The following ROBO2 variants were observed in gnomAD, a reference collection of about 807,000 sequenced individuals.
ROBO2 encodes the protein roundabout guidance receptor 2, also known as roundabout homolog 2.
ROBO2 carries 53 observed loss-of-function variants against 160.8 expected under a neutral mutation model. That is an observed-to-expected ratio of 0.33 (90% CI 0.26 to 0.41). The LOEUF is 0.41. Ranked by LOEUF, ROBO2 falls within the 10% of genes least tolerant of loss-of-function variation. The pLI, the probability that ROBO2 is intolerant of heterozygous loss-of-function variation, is 1.00. For synonymous variants in ROBO2, 664 were observed against 611.7 expected (o/e 1.09, Z -1.26); for missense variants, 1,577 against 1,722.4 (o/e 0.92, Z 1.49).
chr3:76,770,484 G>C (rs1416967114), intron 2 of ROBO2, among the ~76,000 whole-genome samples: 1 of 151,156 alleles, frequency 6.6e-6, no homozygotes, highest in Non-Finnish European at 1.5e-5. Context: ...GTGGTTTTAA[G>C]AACAGTTGAG....
chr3:77,522,860 C>T (rs2090751917), exon 6 of ROBO2: 2 of 1,609,478 alleles, frequency 1.2e-6, no homozygotes, highest in South Asian at 1.1e-5. Context: ...TGCTGAGAAT[C>T]GGGTTGGAAA....
intron 2 of ROBO2, among the ~76,000 whole-genome samples, chr3:76,357,286 A>T (rs754242077): frequency 6.6e-6 from 1 of 152,000 alleles, no homozygotes; most frequent in African/African-American, 2.4e-5. Context: ...CAGGAGTAAA[A>T]CACTGAGCAC....
intron 2 of ROBO2, among the ~76,000 whole-genome samples, chr3:77,467,954 GC>G (rs1201015547): frequency 1.3e-5 from 2 of 152,138 alleles, no homozygotes; most frequent in Admixed American, 6.5e-5. Context: ...CTGCAGCTGA[GC>G]AAGACATTGC....
At chr3:77,636,462 C>T (rs539891083) in intron 24 of ROBO2, among the ~76,000 whole-genome samples, 5 of 152,008 alleles carry the variant, frequency 3.3e-5, no homozygotes, top group Non-Finnish European at 4.4e-5. Context: ...CGTGGTTGCA[C>T]GTGCCTGTAA....
In ROBO2 at chr3:76,579,559, T is replaced by C. The variant is rs75956061; in HGVS notation, c.110-518455T>C. Among the ~76,000 whole-genome samples the C allele has an allele frequency of 9.3e-3, 1,414 of 152,150 alleles. 22 individuals are homozygous for C. The highest frequency in any genetic ancestry group is 0.032 in the African/African-American group (1,321 of 41,522). ...AAAACACATATCAAGTATGCTATAC[T>C]GCAAATATTACCTGAGAAAGAGTGA... On this transcript the variant is annotated intron_variant, in intron 2 of 26. Coordinates refer to the ROBO2 transcript ENST00000487694.
chr3:76,623,395 C>T (rs7622949), intron 2 of ROBO2, among the ~76,000 whole-genome samples: 113,980 of 152,018 alleles, frequency 0.75, 43,333 homozygotes, highest in South Asian at 0.91. Flanking sequence ...TTGGTAGAAA[C>T]AGATATTATT....
chr3:77,051,742 A>T (rs978603575), intron 1 of ROBO2, among the ~76,000 whole-genome samples: 1 of 152,196 alleles, frequency 6.6e-6, no homozygotes, highest in African/African-American at 2.4e-5. Flanking sequence ...GGTTATGCCT[A>T]ATCTTTGCAT....
At chr3:76,931,321 A>G (rs1559721750) in intron 2 of ROBO2, among the ~76,000 whole-genome samples, 1 of 151,912 alleles carries the variant, frequency 6.6e-6, no homozygotes, top group Non-Finnish European at 1.5e-5. Context: ...ATTTAGAAAT[A>G]TATGCCACAT....
At chr3:76,375,944 C>T (rs957214019) in intron 2 of ROBO2, among the ~76,000 whole-genome samples, 3 of 151,976 alleles carry the variant, frequency 2.0e-5, no homozygotes, top group African/African-American at 7.2e-5. Context: ...AATCATTTAT[C>T]TTCTATGCCC....
At chr3:76,205,709 T>A (rs964918311) in intron 2 of ROBO2, among the ~76,000 whole-genome samples, 4 of 152,174 alleles carry the variant, frequency 2.6e-5, no homozygotes, top group Non-Finnish European at 5.9e-5. Flanking sequence ...TTAAGAGCTT[T>A]GCTCTTGCAC....
intron 2 of ROBO2, among the ~76,000 whole-genome samples, chr3:76,255,368 GC>G (rs1399594032): frequency 6.6e-6 from 1 of 151,986 alleles, no homozygotes; most frequent in African/African-American, 2.4e-5. Flanking sequence ...ATAAAATATT[GC>G]TTTAGTATTC....
intron 2 of ROBO2, among the ~76,000 whole-genome samples, chr3:76,066,273 G>T (rs1275113319): frequency 1.3e-5 from 2 of 152,038 alleles, no homozygotes; most frequent in African/African-American, 2.4e-5. Context: ...TTGTAAGCTT[G>T]CATCAGAATG....
At chr3:76,599,442 T>C (rs1033590988) in intron 2 of ROBO2, among the ~76,000 whole-genome samples, 1 of 152,326 alleles carries the variant, frequency 6.6e-6, no homozygotes, top group East Asian at 1.9e-4. Context: ...CCATAGTGTA[T>C]ACATACCACA....
At chr3:76,054,996 G>A (rs570760981) in intron 2 of ROBO2, among the ~76,000 whole-genome samples, 20 of 152,258 alleles carry the variant, frequency 1.3e-4, no homozygotes, top group African/African-American at 3.9e-4. Context: ...AGACATACCC[G>A]AGACTGGGTC....
At chr3:77,446,470 C>T (rs181526396) in intron 2 of ROBO2, among the ~76,000 whole-genome samples, 1 of 152,162 alleles carries the variant, frequency 6.6e-6, no homozygotes, top group Non-Finnish European at 1.5e-5. Context: ...CCAAGTGCAG[C>T]TAACAGAAAA....
intron 2 of ROBO2, among the ~76,000 whole-genome samples, chr3:76,616,214 C>T (rs1398970248): frequency 6.6e-6 from 1 of 152,226 alleles, no homozygotes; most frequent in Non-Finnish European, 1.5e-5. Context: ...AGCAAATTCA[C>T]TACCTTACCA....
intron 6 of ROBO2, among the ~76,000 whole-genome samples, chr3:77,531,600 C>A (rs1461321645): frequency 6.6e-6 from 1 of 151,626 alleles, no homozygotes; most frequent in African/African-American, 2.4e-5. Flanking sequence ...TCTGACATTA[C>A]TTGAAGAATA....
chr3:77,310,853 G>GAA (rs66511015), intron 2 of ROBO2, among the ~76,000 whole-genome samples: 23 of 146,292 alleles, frequency 1.6e-4, no homozygotes, highest in African/African-American at 5.9e-4. Flanking sequence ...AGCTTTAAGT[G>GAA]AAAAAAAAAA....
At chr3:76,900,141 G>T (rs529438921) in intron 2 of ROBO2, among the ~76,000 whole-genome samples, 1 of 152,228 alleles carries the variant, frequency 6.6e-6, no homozygotes, top group South Asian at 2.1e-4. Context: ...AAAACCAGCA[G>T]ATTTCATGAG....
Sources: allele counts gnomAD v4.1 joint callset (sites outside exome capture counted in the v4.1 genomes callset), GRCh38; gene constraint gnomAD v4.1.1; transcripts MANE v1.5; gene names NCBI Gene and HGNC (gene_info 2026-07-23, HGNC 2026-07-21).